The following ANKS1B variants were observed in gnomAD, a reference collection of about 807,000 sequenced individuals.
ANKS1B encodes ankyrin repeat and sterile alpha motif domain-containing protein 1B.
A neutral mutation model predicts 148.3 loss-of-function variants in ANKS1B; 36 were observed. The observed-to-expected ratio is 0.24, with a 90% CI of 0.19 to 0.32. ANKS1B has a LOEUF of 0.32. Among genes scored for constraint, ANKS1B ranks in the 10% least tolerant of loss-of-function variants. The probability of loss-of-function intolerance (pLI) is 1.00; values close to 1 mark genes in which losing one functional copy is unlikely to be tolerated. For synonymous variants in ANKS1B, 542 were observed against 560.8 expected (o/e 0.97, Z 0.47); for missense variants, 1,157 against 1,542.6 (o/e 0.75, Z 4.19).
intron 17 of ANKS1B, among the ~76,000 whole-genome samples, chr12:98,849,816 T>C (rs369110523): frequency 9.9e-5 from 15 of 152,210 alleles, no homozygotes; most frequent in Non-Finnish European, 1.9e-4. Context: ...TTATAAGATA[T>C]TCACTTCAAT....
intron 14 of ANKS1B, among the ~76,000 whole-genome samples, chr12:99,179,211 G>A (rs985224413): frequency 1.3e-4 from 19 of 151,976 alleles, no homozygotes; most frequent in South Asian, 4.2e-4. Flanking sequence ...GGCGGATCAC[G>A]AGGTCAGGAG....
intron 10 of ANKS1B, among the ~76,000 whole-genome samples, chr12:99,491,702 T>G (rs1347746827): frequency 6.6e-6 from 1 of 152,154 alleles, no homozygotes; most frequent in East Asian, 1.9e-4. Flanking sequence ...TGGTTTTCTG[T>G]TCCTGTGTTA....
chr12:99,878,157 A>G (rs942401323), intron 1 of ANKS1B, among the ~76,000 whole-genome samples: 4 of 152,218 alleles, frequency 2.6e-5, no homozygotes, highest in African/African-American at 9.6e-5. Flanking sequence ...CAGTTCAGGT[A>G]TATCAGAGCT....
At chr12:99,717,951 T>G (rs1172275151) in intron 8 of ANKS1B, among the ~76,000 whole-genome samples, 1 of 141,722 alleles carries the variant, frequency 7.1e-6, no homozygotes, top group Non-Finnish European at 1.5e-5. Flanking sequence ...TCGCCCAGGC[T>G]GGAGTGCAGT....
chr12:98,978,074 A>AT (rs1174400044), intron 17 of ANKS1B, among the ~76,000 whole-genome samples: 14 of 151,466 alleles, frequency 9.2e-5, no homozygotes, highest in South Asian at 2.1e-4. Context: ...TTTAAAGTAG[A>AT]TTTTTTTTTC....
intron 1 of ANKS1B, among the ~76,000 whole-genome samples, chr12:99,832,304 A>G (rs1160090111): frequency 6.6e-6 from 1 of 152,142 alleles, no homozygotes; most frequent in Non-Finnish European, 1.5e-5. Context: ...TAAAAGAGAA[A>G]GGGTCTGGAA....
chr12:98,735,081 TA>T (rs1438310824), exon 10 of ANKS1B: 1 of 397,642 alleles, frequency 2.5e-6, no homozygotes, highest in Non-Finnish European at 4.4e-6. Flanking sequence ...GACCCTGTCT[TA>T]AAAGAAAAAT....
At chr12:99,409,074 A>G (rs58028019) in intron 11 of ANKS1B, among the ~76,000 whole-genome samples, 10,561 of 152,202 alleles carry the variant, frequency 0.069, 1,089 homozygotes, top group African/African-American at 0.22. Context: ...ACTATTCACA[A>G]TAGCCAAGAT....
intron 9 of ANKS1B, among the ~76,000 whole-genome samples, chr12:99,592,457 G>A (rs2097712364): frequency 6.7e-6 from 1 of 149,116 alleles, no homozygotes; most frequent in South Asian, 2.1e-4. Flanking sequence ...ATCTGACCTA[G>A]TGGCTTACTA....
At chr12:99,197,096 G>A (rs1275676485) in intron 14 of ANKS1B, among the ~76,000 whole-genome samples, 1 of 152,108 alleles carries the variant, frequency 6.6e-6, no homozygotes, top group East Asian at 1.9e-4. Context: ...CCAAGAATGT[G>A]GGCCTGGGTC....
intron 17 of ANKS1B, among the ~76,000 whole-genome samples, chr12:98,990,844 C>A (rs1199618331): frequency 6.6e-6 from 1 of 152,158 alleles, no homozygotes; most frequent in African/African-American, 2.4e-5. Flanking sequence ...GTGACATAAC[C>A]GGTTTGGGAC....
At chr12:99,683,055 G>T (rs184749961) in intron 8 of ANKS1B, among the ~76,000 whole-genome samples, 28 of 152,216 alleles carry the variant, frequency 1.8e-4, no homozygotes, top group Admixed American at 7.8e-4. Context: ...AGTGAAAGGG[G>T]TTTCCCCTTA....
intron 15 of ANKS1B, among the ~76,000 whole-genome samples, chr12:99,112,472 T>A (rs2060488148): frequency 6.6e-6 from 1 of 151,852 alleles, no homozygotes; most frequent in South Asian, 2.1e-4. Context: ...CTGATCAACA[T>A]CTTGTCTTTT....
chr12:98,755,649 T>A (rs1412123800), intron 25 of ANKS1B, among the ~76,000 whole-genome samples: 1 of 152,228 alleles, frequency 6.6e-6, no homozygotes, highest in African/African-American at 2.4e-5. Flanking sequence ...ATTTAAGTCT[T>A]ACCAAATCAC....
chr12:99,752,625 T>G (rs1601429381), intron 8 of ANKS1B, among the ~76,000 whole-genome samples: 1 of 152,174 alleles, frequency 6.6e-6, no homozygotes, highest in East Asian at 1.9e-4. Context: ...TTTATATTTT[T>G]ATGTTTTGTA....
chr12:99,216,261 T>C (rs1163743580), intron 14 of ANKS1B, among the ~76,000 whole-genome samples: 1 of 152,212 alleles, frequency 6.6e-6, no homozygotes, highest in Non-Finnish European at 1.5e-5. Context: ...CACATAATTC[T>C]TCATAGCAGT....
chr12:99,848,581 T>TTTA, intron 1 of ANKS1B, among the ~76,000 whole-genome samples: 1 of 152,294 alleles, frequency 6.6e-6, no homozygotes, highest in Middle Eastern at 3.4e-3. Context: ...AGTCCCTTGA[T>TTTA]TTATGACAAG....
intron 12 of ANKS1B, chr12:99,352,109 A>G (rs2091484257): frequency 1.3e-5 from 2 of 151,982 alleles, no homozygotes; most frequent in African/African-American, 4.8e-5. Context: ...CTGAATATGA[A>G]AAGTACAATT....
chr12:99,565,861 A>T (rs1463099326), intron 9 of ANKS1B, among the ~76,000 whole-genome samples: 2 of 152,288 alleles, frequency 1.3e-5, no homozygotes, highest in African/African-American at 4.8e-5. Context: ...AGCCACATCC[A>T]CAGATGTTTT....
Sources: allele counts gnomAD v4.1 joint callset (sites outside exome capture counted in the v4.1 genomes callset), GRCh38; gene constraint gnomAD v4.1.1; transcripts MANE v1.5; gene names NCBI Gene and HGNC (gene_info 2026-07-23, HGNC 2026-07-21).